WWOX: variants seen among roughly 807,000 people sequenced by gnomAD.
The protein encoded by WWOX is WW domain-containing oxidoreductase.
A neutral mutation model predicts 46.2 loss-of-function variants in WWOX; 69 were observed. The ratio of observed to expected loss-of-function variants is 1.49; its 90% confidence interval spans 1.23 to 1.82. The LOEUF (loss-of-function observed/expected upper bound fraction) is 1.82, where lower values mean the gene tolerates loss of function less well. Among genes scored for constraint, WWOX ranks in the 40% most tolerant of loss-of-function variants. The pLI, the probability that WWOX is intolerant of heterozygous loss-of-function variation, is 0.00. For synonymous variants in WWOX, 359 were observed against 202.6 expected, an observed-to-expected ratio of 1.77 and a Z score of -6.56; for missense variants, 919 against 542.6, an observed-to-expected ratio of 1.69 and a Z score of -6.89.
intron 8 of WWOX, among the ~76,000 whole-genome samples, chr16:78,993,753 C>A (rs1256727949): frequency 1.3e-5 from 2 of 152,172 alleles, no homozygotes; most frequent in African/African-American, 4.8e-5. Context: ...ATAACACACT[C>A]GCCAGACTCC....
In WWOX at chr16:78,510,656, C is replaced by G. The variant is rs542925848; in HGVS notation, c.1056+77904C>G. Among the ~76,000 whole-genome samples the G allele has an allele frequency of 3.0e-3, 458 of 152,308 alleles. 2 individuals carry two copies. Among genetic ancestry groups the G allele is most frequent in the African/African-American group, 0.01 (432 of 41,548 alleles). On this transcript the variant is annotated intron_variant, in intron 8 of 8. Coordinates refer to ENST00000566780, the MANE Select transcript of WWOX (RefSeq NM_016373.4). ...AGCATTGAGTGAGAATCAATTGGCTCTGTGGGATTTACAATAAAGAATGTT... is the reference window on the plus strand; with the variant it reads ...AGCATTGAGTGAGAATCAATTGGCTGTGTGGGATTTACAATAAAGAATGTT...
intron 8 of WWOX, among the ~76,000 whole-genome samples, chr16:79,154,365 C>T (rs1056118509): frequency 6.6e-6 from 1 of 152,168 alleles, no homozygotes; most frequent in Admixed American, 6.5e-5. Context: ...TCTCTGTTCT[C>T]TGTGACTCTG....
Position 78,099,808 on chromosome 16 carries a change from C to A in WWOX, c.30C>A (p.Asp10Glu). The part of the protein sequence containing the change: MAALRYAGL[D>E]DTDSEDELPP... Reference sequence around the variant, plus strand: ...CAGCGCTGCGCTACGCGGGGCTGGACGACACGGACAGTGAGGACGAGCTGC... The same window carrying A: ...CAGCGCTGCGCTACGCGGGGCTGGAAGACACGGACAGTGAGGACGAGCTGC... The change falls in exon 1 of 9, where the codon GAC becomes GAA. Residue 10 changes from aspartate to glutamate, a missense_variant. Transcript: ENST00000566780. 1 of 1,574,556 alleles carries A rather than the reference C, an allele frequency of 6.4e-7. No homozygotes were observed. Among genetic ancestry groups the A allele is most frequent in the African/African-American group, 1.4e-5 (1 of 73,730 alleles).
rs985821066 is a variant in WWOX at position 78,704,273 on chromosome 16, G to T, written c.1056+271521G>T. Reference sequence around the variant, plus strand: ...ATGATCTCAACTTGGATCCCATAGCGGGTATCTCCAAAATTTCCTCATCTT... The same window carrying T: ...ATGATCTCAACTTGGATCCCATAGCTGGTATCTCCAAAATTTCCTCATCTT... On this transcript the variant is annotated intron_variant, in intron 8 of 8. Coordinates refer to ENST00000566780, the MANE Select transcript of WWOX (RefSeq NM_016373.4). Among the ~76,000 whole-genome samples the T allele has an allele frequency of 2.0e-5, 3 of 152,006 alleles. No homozygotes were observed. The South Asian group carries it at 6.2e-4, about 32-fold the overall frequency.
chr16:78,293,252 A>G (rs746899861), intron 5 of WWOX, among the ~76,000 whole-genome samples: 3 of 152,206 alleles, frequency 2.0e-5, no homozygotes, highest in Non-Finnish European at 2.9e-5. Flanking sequence ...TTGGTGTTGC[A>G]AGAATTAACA....
chr16:78,826,543 C>T (rs771858363), intron 8 of WWOX, among the ~76,000 whole-genome samples: 3 of 152,132 alleles, frequency 2.0e-5, no homozygotes, highest in Non-Finnish European at 4.4e-5. Flanking sequence ...TGGCCTTCTC[C>T]TCTTCTCCTG....
intron 8 of WWOX, among the ~76,000 whole-genome samples, chr16:79,145,184 C>A (rs2050162290): frequency 6.6e-6 from 1 of 152,082 alleles, no homozygotes; most frequent in South Asian, 2.1e-4. Flanking sequence ...TTTTTATTCT[C>A]TATCAGTGTA....
At chr16:79,100,441 C>A (rs1200778696) in intron 8 of WWOX, among the ~76,000 whole-genome samples, 2 of 152,064 alleles carry the variant, frequency 1.3e-5, no homozygotes, top group Non-Finnish European at 2.9e-5. Flanking sequence ...GCCTTTATTA[C>A]CACAGTAATA....
chr16:79,178,257 A>G (rs1441964367), intron 8 of WWOX, among the ~76,000 whole-genome samples: 2 of 152,228 alleles, frequency 1.3e-5, no homozygotes, highest in African/African-American at 2.4e-5. Flanking sequence ...ACAAAAAACA[A>G]AAAACAGTGG....
intron 5 of WWOX, chr16:78,167,227 TG>T (rs1043763034): frequency 6.6e-6 from 1 of 152,218 alleles, no homozygotes; most frequent in African/African-American, 2.4e-5. Context: ...CAGAAATTCC[TG>T]GACCTGCCCC....
chr16:78,954,346 G>A (rs2046122569), intron 8 of WWOX, among the ~76,000 whole-genome samples: 1 of 152,078 alleles, frequency 6.6e-6, no homozygotes, highest in South Asian at 2.1e-4. Context: ...ATGGTTGGAT[G>A]GTTGGATAAT....
At chr16:78,902,620 T>A (rs1167942051) in intron 8 of WWOX, among the ~76,000 whole-genome samples, 2 of 152,208 alleles carry the variant, frequency 1.3e-5, no homozygotes, top group Non-Finnish European at 2.9e-5. Context: ...TCTGCTCTCT[T>A]TGGCTGCAAC....
intron 8 of WWOX, among the ~76,000 whole-genome samples, chr16:78,833,423 C>G (rs2051887339): frequency 7.1e-5 from 1 of 14,016 alleles, no homozygotes; most frequent in Non-Finnish European, 3.5e-4. Context: ...GCCCAGCCAT[C>G]TCCTCCTCCT....
At chr16:78,769,232 G>A (rs545841395) in intron 8 of WWOX, among the ~76,000 whole-genome samples, 6 of 152,310 alleles carry the variant, frequency 3.9e-5, no homozygotes, top group South Asian at 2.1e-4. Flanking sequence ...TATACCAGGC[G>A]CTGTTACAGC....
chr16:78,568,180 C>T (rs1000093894), intron 8 of WWOX, among the ~76,000 whole-genome samples: 3 of 152,082 alleles, frequency 2.0e-5, no homozygotes, highest in East Asian at 1.9e-4. Flanking sequence ...CAAAAATCAT[C>T]CTCTGAAAAA....
Position 78,774,375 on chromosome 16 carries a change from T to C in WWOX, c.1056+341623T>C, listed in dbSNP as rs1381808919. The stretch of plus-strand genomic sequence containing the variant: ...GAGATCGCGCCACTGCACTCCAGTC[T>C]GGTGACAGAGCGAGACAATGTCTCA... On this transcript the variant is annotated intron_variant, in intron 8 of 8. Transcript: ENST00000566780. 6.6e-5 allele frequency among the ~76,000 whole-genome samples: 10 copies of C among 152,252 alleles called. No homozygotes were observed. The East Asian group carries it at 1.9e-3, about 29-fold the overall frequency.
At position 78,513,906 on chromosome 16, in the gene WWOX, C is replaced by CA. The variant is rs1555552389; in HGVS notation, c.1056+81155dup. On this transcript the variant is annotated intron_variant, in intron 8 of 8. Transcript: ENST00000566780. ...TTACAGTTCCCACTCCCCCCCCCCC[C>CA]ACTTGTATCACTTTGTATGACAGTC... Among the ~76,000 whole-genome samples, 900 of 149,180 alleles carry CA rather than the reference C, an allele frequency of 6.0e-3. 16 individuals are homozygous for CA. Among genetic ancestry groups the CA allele is most frequent in the African/African-American group, 0.021 (834 of 39,792 alleles).
At chr16:78,714,018 G>T (rs761645610) in intron 8 of WWOX, among the ~76,000 whole-genome samples, 2 of 152,126 alleles carry the variant, frequency 1.3e-5, no homozygotes, top group Non-Finnish European at 2.9e-5. Context: ...ACTGCATTTG[G>T]GGGGAAGGTA....
chr16:79,127,325 A>G (rs2150688111), intron 8 of WWOX, among the ~76,000 whole-genome samples: 1 of 152,266 alleles, frequency 6.6e-6, no homozygotes. Context: ...TTATGCATTT[A>G]CAAGGCAATA....
Sources: allele counts gnomAD v4.1 joint callset (sites outside exome capture counted in the v4.1 genomes callset), GRCh38; gene constraint gnomAD v4.1.1; transcripts MANE v1.5; gene names NCBI Gene and HGNC (gene_info 2026-07-23, HGNC 2026-07-21).